Variants in PDE10A observed in about 807,000 individuals in gnomAD.
PDE10A encodes the protein cAMP and cAMP-inhibited cGMP 3',5'-cyclic phosphodiesterase 10A.
Under a neutral mutation model 97.7 loss-of-function variants are expected in PDE10A, and 39 were observed. That is an observed-to-expected ratio of 0.40 (90% CI 0.31 to 0.52). The LOEUF (loss-of-function observed/expected upper bound fraction) is 0.52, where lower values mean the gene tolerates loss of function less well. PDE10A is among the 20% of genes least tolerant of loss of function. The pLI is 0.56. For synonymous variants in PDE10A, 371 were observed against 376.8 expected (o/e 0.98, Z 0.18); for missense variants, 731 against 1,047.8 (o/e 0.70, Z 4.17).
chr6:165,921,205 G>T (rs868812506), intron 1 of PDE10A, among the ~76,000 whole-genome samples: 42 of 152,330 alleles, frequency 2.8e-4, no homozygotes, highest in Non-Finnish European at 4.7e-4. Context: ...TTCAAAGCCA[G>T]GGTCACTAGG....
intron 1 of PDE10A, among the ~76,000 whole-genome samples, chr6:165,979,639 G>A (rs1784951575): frequency 1.3e-5 from 2 of 152,316 alleles, no homozygotes; most frequent in Middle Eastern, 3.4e-3. Flanking sequence ...CAGGTACACT[G>A]GTAGGAGCAG....
chr6:165,794,578 TAC>T (rs74865232), intron 1 of PDE10A, among the ~76,000 whole-genome samples: 13,816 of 151,722 alleles, frequency 0.091, 664 homozygotes, highest in Non-Finnish European at 0.12. Context: ...CACACATTCC[TAC>T]ACACACATAT....
Position 165,662,161 on chromosome 6 carries a change from G to GGGC in PDE10A, c.648_650dup (p.Pro217dup), listed in dbSNP as rs1490704545. The GGGC allele has an allele frequency of 7.2e-4, 270 of 376,374 alleles. 1 individual carries two copies. The highest frequency in any genetic ancestry group is 1.2e-4 in the Non-Finnish European group (32 of 274,292). 23.3% of individuals were successfully genotyped at this position (376,374 alleles called of 1,614,324 possible). A position where few individuals can be genotyped will look rare whatever the true frequency, so the allele number is the denominator to read the frequency against. On this transcript the variant is annotated inframe_insertion, in exon 1 of 22. Transcript: ENST00000539869. The stretch of plus-strand genomic sequence containing the variant: ...GGGCGGCCTGGCCAAGGGGGAGCCG[G>GGGC]GGCGGCGGCGGCGGCCGGGGACCGG...
chr6:165,747,402 A>G (rs955243430), intron 1 of PDE10A, among the ~76,000 whole-genome samples: 9 of 152,170 alleles, frequency 5.9e-5, no homozygotes, highest in African/African-American at 2.2e-4. Context: ...GTAGTGTTCA[A>G]AATGCCTTGC....
chr6:165,619,472 GTGTAGT>G lies in PDE10A; in HGVS notation c.865+42469_865+42474del, dbSNP rs1787980825. On this transcript the variant is annotated intron_variant, in intron 1 of 21. Transcript: ENST00000539869. ...GTCTAGTGTAGTGTAGTCTAGTGTA[GTGTAGT>G]CTAGTGTAGTCTAGTGTAGTCTAGT... Among the ~76,000 whole-genome samples the G allele has an allele frequency of 4.1e-5, 6 of 145,710 alleles. 3 individuals are homozygous for G. The highest frequency in any genetic ancestry group is 1.6e-4 in the African/African-American group (6 of 36,950).
intron 1 of PDE10A, among the ~76,000 whole-genome samples, chr6:165,620,395 C>T (rs1032883247): frequency 3.3e-5 from 5 of 152,084 alleles, no homozygotes; most frequent in Admixed American, 6.6e-5. Flanking sequence ...TGAGACATGT[C>T]GAACCTGAGC....
At chr6:165,864,766 T>C (rs557104919) in intron 1 of PDE10A, among the ~76,000 whole-genome samples, 12 of 152,134 alleles carry the variant, frequency 7.9e-5, no homozygotes, top group Non-Finnish European at 1.5e-4. Context: ...TGTCCCCAAA[T>C]AGGGAAATAG....
chr6:165,968,772 C>T (rs1266206999), intron 1 of PDE10A, among the ~76,000 whole-genome samples: 2 of 152,158 alleles, frequency 1.3e-5, no homozygotes, highest in Admixed American at 6.5e-5. Context: ...TTATCTCTAA[C>T]ATCTACTCTT....
chr6:165,662,085 GGCC>G lies in PDE10A; in HGVS notation c.724_726del (p.Gly242del). 8.8e-6 allele frequency: 11 copies of G among 1,252,338 alleles called. No homozygotes were observed. Among genetic ancestry groups the G allele is most frequent in the South Asian group, 4.2e-5 (2 of 47,762 alleles). 77.6% of individuals were successfully genotyped at this position (1,252,338 alleles called of 1,614,324 possible). Reference sequence around the variant, plus strand: ...GCGCCCTGGGGACGCCGCGGAGTTTGGCCGCCGCCGCCTGGGCCGGCGCCGGGG... The same window carrying G: ...GCGCCCTGGGGACGCCGCGGAGTTTGGCCGCCGCCTGGGCCGGCGCCGGGG... On this transcript the variant is annotated inframe_deletion, in exon 1 of 22. Coordinates refer to ENST00000539869, the MANE Select transcript of PDE10A (RefSeq NM_001385079.1).
chr6:165,577,852 A>G (rs1315327191), intron 1 of PDE10A, among the ~76,000 whole-genome samples: 1 of 152,158 alleles, frequency 6.6e-6, no homozygotes, highest in Non-Finnish European at 1.5e-5. Flanking sequence ...GAAACTTCCT[A>G]CAGCTGGGGA....
At chr6:165,441,951 G>C (rs1002276778) in intron 5 of PDE10A, among the ~76,000 whole-genome samples, 6 of 151,732 alleles carry the variant, frequency 4.0e-5, no homozygotes, top group African/African-American at 1.2e-4. Flanking sequence ...TTTTTATCTA[G>C]GTTTTCACAT....
At chr6:165,413,747 C>A in intron 12 of PDE10A, 60 bp from the exon 13 acceptor site, 1 of 1,343,132 alleles carries the variant, frequency 7.4e-7, no homozygotes, top group Non-Finnish European at 1.0e-6. Flanking sequence ...AAATAAAGGA[C>A]ACAGTCAGTC....
chr6:165,428,810 A>G (rs1422897268), intron 9 of PDE10A, 101 bp from the exon 10 acceptor site: 14 of 542,824 alleles, frequency 2.6e-5, no homozygotes, highest in Non-Finnish European at 4.5e-5. Flanking sequence ...TTAAATAAAA[A>G]ACCATAAAGA....
intron 1 of PDE10A, among the ~76,000 whole-genome samples, chr6:165,951,790 C>A (rs939953279): frequency 7.9e-5 from 12 of 152,218 alleles, no homozygotes; most frequent in African/African-American, 2.7e-4. Context: ...CTTCTCCATG[C>A]AAGTGGTGAC....
intron 2 of PDE10A, among the ~76,000 whole-genome samples, chr6:165,485,826 T>G (rs1022945314): frequency 1.1e-4 from 17 of 152,218 alleles, no homozygotes; most frequent in African/African-American, 3.1e-4. Flanking sequence ...ACTCCTGACT[T>G]CAGATGATCC....
At chr6:165,782,881 G>A (rs1005637391) in intron 1 of PDE10A, among the ~76,000 whole-genome samples, 1 of 152,178 alleles carries the variant, frequency 6.6e-6, no homozygotes, top group Non-Finnish European at 1.5e-5. Context: ...AACCGTGTGT[G>A]ATTTTTTAAA....
chr6:165,516,567 A>G (rs1053094309), intron 2 of PDE10A, among the ~76,000 whole-genome samples: 1 of 152,162 alleles, frequency 6.6e-6, no homozygotes, highest in African/African-American at 2.4e-5. Flanking sequence ...TAATGATCTG[A>G]CACCCTCTCA....
At position 165,388,258 on chromosome 6, in the gene PDE10A, GC is replaced by G; in HGVS notation, c.2610+39del. ...ATGAAGTATCCCTATCTCCCAGACA[GC>G]CCTTCAGACTAAGCGAGAGACGGCG... is the stretch of plus-strand genomic sequence containing the variant. On this transcript the variant is annotated intron_variant, in intron 17 of 21. Transcript: ENST00000539869. The surrounding 1 kb of genome is among the most constrained non-coding windows in gnomAD (Gnocchi z 4.0). 4 of 1,597,308 alleles carry G rather than the reference GC, an allele frequency of 2.5e-6. No individual in the cohort carries two copies. The highest frequency in any genetic ancestry group is 3.4e-6 in the Non-Finnish European group (4 of 1,165,778).
chr6:165,883,647 G>A (rs893748134), intron 1 of PDE10A, among the ~76,000 whole-genome samples: 3 of 152,178 alleles, frequency 2.0e-5, no homozygotes, highest in Non-Finnish European at 4.4e-5. Context: ...CAGGAAGGCT[G>A]GCTGAGGGGT....
Sources: gnomAD v4.1 joint callset for allele counts (sites outside exome capture counted in the v4.1 genomes callset) on GRCh38, gnomAD v4.1.1 for gene constraint, Gnocchi (gnomAD v3.1) non-coding constraint, MANE v1.5 for transcripts, NCBI Gene and HGNC (gene_info 2026-07-23, HGNC 2026-07-21) for gene names.